The following SGCZ variants were observed in gnomAD, a reference collection of about 807,000 sequenced individuals.
SGCZ encodes the protein sarcoglycan zeta.
SGCZ carries 40 observed loss-of-function variants against 41.3 expected under a neutral mutation model. The ratio of observed to expected loss-of-function variants is 0.97; its 90% CI spans 0.75 to 1.26. SGCZ has a LOEUF of 1.26. SGCZ is among the 50% of genes most tolerant of loss of function. The pLI, the probability that SGCZ is intolerant of heterozygous loss-of-function variation, is 0.00. For synonymous variants in SGCZ, 206 were observed against 137.5 expected, an observed-to-expected ratio of 1.50 and a Z score of -3.49; for missense variants, 552 against 369.8, an observed-to-expected ratio of 1.49 and a Z score of -4.04.
chr8:15,032,597 AC>A (rs1803715694), intron 1 of SGCZ, among the ~76,000 whole-genome samples: 1 of 152,050 alleles, frequency 6.6e-6, no homozygotes, highest in African/African-American at 2.4e-5. Context: ...TCTCTGGGAC[AC>A]CCCAGCACTG....
intron 1 of SGCZ, among the ~76,000 whole-genome samples, chr8:14,927,770 G>C (rs763304349): frequency 6.6e-6 from 1 of 152,126 alleles, no homozygotes; most frequent in Non-Finnish European, 1.5e-5. Context: ...CGTTGACTCG[G>C]CATGGTCTTG....
chr8:14,157,120 A>G (rs1336542587), intron 5 of SGCZ, among the ~76,000 whole-genome samples: 3 of 152,020 alleles, frequency 2.0e-5, no homozygotes, highest in Non-Finnish European at 4.4e-5. Flanking sequence ...CATGACAAAC[A>G]TATAAGTAGT....
At chr8:14,890,856 C>A (rs1483686403) in intron 1 of SGCZ, among the ~76,000 whole-genome samples, 4 of 152,186 alleles carry the variant, frequency 2.6e-5, no homozygotes, top group African/African-American at 9.6e-5. Flanking sequence ...GCTCATTTAC[C>A]ATTTCCAAAA....
At chr8:15,042,820 G>T (rs530831383) in intron 1 of SGCZ, among the ~76,000 whole-genome samples, 2 of 152,020 alleles carry the variant, frequency 1.3e-5, no homozygotes, top group Non-Finnish European at 1.5e-5. Context: ...AAGAGTTTTC[G>T]CTCGGTCAAA....
intron 2 of SGCZ, among the ~76,000 whole-genome samples, chr8:14,474,214 C>A (rs916604417): frequency 2.6e-5 from 4 of 152,180 alleles, no homozygotes; most frequent in Admixed American, 2.6e-4. Flanking sequence ...ACTAAAGATA[C>A]TCTGCTAAAC....
At chr8:15,132,421 C>T (rs1188305058) in intron 1 of SGCZ, among the ~76,000 whole-genome samples, 1 of 152,174 alleles carries the variant, frequency 6.6e-6, no homozygotes, top group African/African-American at 2.4e-5. Flanking sequence ...GTTCTTACAG[C>T]CGCCATCACA....
intron 3 of SGCZ, among the ~76,000 whole-genome samples, chr8:14,237,985 C>G (rs1026426959): frequency 6.6e-6 from 1 of 152,190 alleles, no homozygotes; most frequent in Non-Finnish European, 1.5e-5. Flanking sequence ...CCAGTGTCCT[C>G]TATGCCTGCC....
chr8:14,672,663 A>G (rs971995693), intron 1 of SGCZ, among the ~76,000 whole-genome samples: 4 of 151,576 alleles, frequency 2.6e-5, no homozygotes, highest in Admixed American at 1.3e-4. Context: ...CAGTGTTTGA[A>G]TGAAGACACT....
intron 1 of SGCZ, among the ~76,000 whole-genome samples, chr8:15,136,443 G>A (rs1219163651): frequency 1.3e-5 from 2 of 151,764 alleles, no homozygotes; most frequent in African/African-American, 4.8e-5. Flanking sequence ...CGAAGTAGGA[G>A]AGACTGTGGG....
chr8:14,857,003 G>T (rs762884298), intron 1 of SGCZ, among the ~76,000 whole-genome samples: 14 of 152,126 alleles, frequency 9.2e-5, no homozygotes, highest in Admixed American at 5.9e-4. Flanking sequence ...TGGAGGAGGG[G>T]CCTGGAGGAA....
At chr8:15,213,624 T>C (rs564620059) in intron 1 of SGCZ, among the ~76,000 whole-genome samples, 2 of 151,764 alleles carry the variant, frequency 1.3e-5, no homozygotes, top group Admixed American at 6.6e-5. Context: ...CATTCCTACA[T>C]AGATTTATAA....
intron 2 of SGCZ, among the ~76,000 whole-genome samples, chr8:14,545,802 C>G (rs1414830670): frequency 2.0e-5 from 3 of 151,992 alleles, no homozygotes; most frequent in Non-Finnish European, 4.4e-5. Flanking sequence ...TTTTTTTATT[C>G]AACAGCTAAT....
rs562575043 is a variant in SGCZ at position 14,501,756 on chromosome 8, C to T, written c.234+52976G>A. On this transcript the variant is annotated intron_variant, in intron 2 of 7. Coordinates refer to ENST00000382080, the MANE Select transcript of SGCZ (RefSeq NM_139167.4). ...TTGGCTAATTTGGTTGTATAGCAGA[C>T]TATTCCCTCCAAAATTTAGTATTCT... Among the ~76,000 whole-genome samples, 15 of 151,928 alleles carry T rather than the reference C, an allele frequency of 9.9e-5. 1 individual carries two copies. The South Asian group carries it at 3.1e-3, about 31-fold the overall frequency.
At chr8:14,319,110 T>G (rs1801828464) in intron 3 of SGCZ, among the ~76,000 whole-genome samples, 3 of 151,964 alleles carry the variant, frequency 2.0e-5, no homozygotes, top group Non-Finnish European at 4.4e-5. Context: ...AAAGATGACC[T>G]AACATAAGAA....
chr8:14,293,214 A>G (rs1800898525), intron 3 of SGCZ, among the ~76,000 whole-genome samples: 1 of 152,080 alleles, frequency 6.6e-6, no homozygotes, highest in African/African-American at 2.4e-5. Context: ...ACACGTAACA[A>G]AGATGACAGA....
chr8:14,999,748 A>G (rs1802344485), intron 1 of SGCZ, among the ~76,000 whole-genome samples: 1 of 152,214 alleles, frequency 6.6e-6, no homozygotes, highest in Non-Finnish European at 1.5e-5. Context: ...GAGTCAATTC[A>G]TTTAAAAAAG....
intron 1 of SGCZ, chr8:14,879,199 A>G (rs145562281): frequency 0.054 from 8,240 of 152,204 alleles, 245 homozygotes; most frequent in Non-Finnish European, 0.067. Context: ...ATGGTGGCAC[A>G]TGCCTGTTTT....
chr8:14,544,736 T>C (rs527761092), intron 2 of SGCZ, among the ~76,000 whole-genome samples: 26 of 152,056 alleles, frequency 1.7e-4, no homozygotes, highest in Non-Finnish European at 2.4e-4. Context: ...CTGTTTTCTG[T>C]TCTTTAAGAT....
chr8:15,018,893 G>C (rs917201377), intron 1 of SGCZ, among the ~76,000 whole-genome samples: 1 of 152,184 alleles, frequency 6.6e-6, no homozygotes, highest in Non-Finnish European at 1.5e-5. Flanking sequence ...AAGGCGGAGA[G>C]GAAGAAGGGA....
Sources: gnomAD v4.1 joint callset for allele counts (sites outside exome capture counted in the v4.1 genomes callset) on GRCh38, gnomAD v4.1.1 for gene constraint, MANE v1.5 for transcripts, NCBI Gene and HGNC (gene_info 2026-07-23, HGNC 2026-07-21) for gene names.